The following SLC1A7 variants were observed in gnomAD, a reference collection of about 807,000 sequenced individuals.
SLC1A7 encodes solute carrier family 1 member 7, also known as excitatory amino acid transporter 5.
A neutral mutation model predicts 47.7 loss-of-function variants in SLC1A7; 40 were observed. The observed-to-expected ratio is 0.84, with a 90% confidence interval of 0.65 to 1.09. SLC1A7 has a LOEUF of 1.09. Among genes scored for constraint, SLC1A7 ranks in the 50% least tolerant of loss-of-function variants. The pLI is 0.00. For missense variants in SLC1A7, 746 were observed against 769.5 expected, an observed-to-expected ratio of 0.97 and a Z score of 0.36; for synonymous variants, 323 against 325.6, an observed-to-expected ratio of 0.99 and a Z score of 0.09.
At chr1:53,126,222 T>G (rs1281363219) in intron 2 of SLC1A7, among the ~76,000 whole-genome samples, 2 of 152,210 alleles carry the variant, frequency 1.3e-5, no homozygotes, top group South Asian at 4.1e-4. Flanking sequence ...AGGTGCTCAC[T>G]GTTCAGGAGG....
rs1020344925 is a variant in SLC1A7, at chr1:53,115,360, C to G, written c.216-387G>C. ...AGAAGCTTCCTTCACTCTCCTGACC[C>G]CTGCCCAGCCAGGCAGGACCAAGCT... On this transcript the variant is annotated intron_variant, in intron 2 of 10. Transcript: ENST00000371494. 2.1e-5 allele frequency: 5 copies of G among 237,052 alleles called. 1 individual carries two copies. The Admixed American group carries it at 2.5e-4, about 12-fold the overall frequency. The allele number at this position is 237,052 out of a possible 1,614,324, so 14.7% of individuals were successfully genotyped here.
intron 2 of SLC1A7, among the ~76,000 whole-genome samples, chr1:53,123,968 G>T (rs1387390076): frequency 6.6e-6 from 1 of 152,228 alleles, no homozygotes; most frequent in Non-Finnish European, 1.5e-5. Context: ...TTGGCCCTCT[G>T]GCCACCCGCT....
Position 53,137,287 on chromosome 1 carries a change from C to CAAAAAAA in SLC1A7, c.136-2865_136-2859dup, listed in dbSNP as rs60113708. Reference sequence around the variant, plus strand: ...GGGCAACAGAGGGAGACGCTATCTCCAAAAAAAAAAAAGTGCTCTACTGAT... The same window carrying CAAAAAAA: ...GGGCAACAGAGGGAGACGCTATCTCCAAAAAAAAAAAAAAAAAAAGTGCTCTACTGAT... On this transcript the variant is annotated intron_variant, in intron 1 of 10. Coordinates refer to ENST00000371494, the MANE Select transcript of SLC1A7 (RefSeq NM_006671.6). Among the ~76,000 whole-genome samples the CAAAAAAA allele has an allele frequency of 1.3e-3, 134 of 100,748 alleles. 4 individuals carry two copies. The highest frequency in any genetic ancestry group is 1.2e-3 in the Non-Finnish European group (58 of 49,564). The allele number at this position is 100,748 out of a possible 152,430, so 66.1% of individuals were successfully genotyped here.
intron 1 of SLC1A7, among the ~76,000 whole-genome samples, chr1:53,136,560 T>TATATAATATATAAACATATA (rs71044458): frequency 1.2e-5 from 1 of 80,508 alleles, no homozygotes; most frequent in Non-Finnish European, 2.5e-5. Flanking sequence ...TATATAAACA[T>TATATAATATATAAACATATA]ATATATAAAC....
chr1:53,118,417 G>A (rs1644785589), intron 2 of SLC1A7: 1 of 152,190 alleles, frequency 6.6e-6, no homozygotes. Flanking sequence ...CTTCTTGTGT[G>A]ATGGAGATGA....
At position 53,117,532 on chromosome 1, in the gene SLC1A7, G is replaced by A. The variant is rs561039544; in HGVS notation, c.216-2559C>T. On this transcript the variant is annotated intron_variant, in intron 2 of 10. Transcript: ENST00000371494. ...GGTATAGCAGCCATCCGGAGTGATC[G>A]TGTCCCTGGAAGGGTGTTCCTAAAT... 2.7e-4 allele frequency among the ~76,000 whole-genome samples: 41 copies of A among 152,312 alleles called. 1 individual carries two copies. In the South Asian group the frequency reaches 7.9e-3, roughly 29 times the overall value.
intron 5 of SLC1A7, among the ~76,000 whole-genome samples, chr1:53,094,161 G>T (rs752960507): frequency 2.0e-5 from 3 of 152,142 alleles, no homozygotes; most frequent in African/African-American, 7.2e-5. Context: ...GTTTTTTCCC[G>T]TCTCCTCTGC....
intron 5 of SLC1A7, among the ~76,000 whole-genome samples, chr1:53,101,720 A>T (rs542324193): frequency 2.1e-4 from 31 of 148,862 alleles, no homozygotes; most frequent in African/African-American, 7.5e-4. Context: ...TGGTACACTC[A>T]CACAGTGTCA....
intron 2 of SLC1A7, among the ~76,000 whole-genome samples, chr1:53,117,276 A>T (rs1644772479): frequency 6.6e-6 from 1 of 152,190 alleles, no homozygotes; most frequent in African/African-American, 2.4e-5. Flanking sequence ...CAGATTGGTG[A>T]TAGAAGGGAT....
At chr1:53,108,795 G>C (rs1324359435) in intron 3 of SLC1A7, among the ~76,000 whole-genome samples, 1 of 152,170 alleles carries the variant, frequency 6.6e-6, no homozygotes, top group Non-Finnish European at 1.5e-5. Flanking sequence ...TGTTCTTCAG[G>C]AACAAATGCA....
intron 2 of SLC1A7, among the ~76,000 whole-genome samples, chr1:53,129,586 GGA>G (rs1553164889): frequency 7.2e-3 from 983 of 136,974 alleles, no homozygotes; most frequent in Middle Eastern, 0.021. Flanking sequence ...GCCCACAGCT[GGA>G]AGATGCCAGA....
chr1:53,112,779 G>T (rs1035391769), intron 3 of SLC1A7, among the ~76,000 whole-genome samples: 10 of 152,202 alleles, frequency 6.6e-5, no homozygotes, highest in Non-Finnish European at 1.2e-4. Context: ...CAGCAGAGGA[G>T]TCAACCAGAG....
Position 53,114,955 on chromosome 1 carries a change from G to A in SLC1A7, c.234C>T (p.Ala78=). 1.2e-6 allele frequency: 2 copies of A among 1,613,964 alleles called. No individual in the cohort carries two copies. The highest frequency in any genetic ancestry group is 1.7e-6 in the Non-Finnish European group (2 of 1,180,030). ...LVVSSLMSGL[A]SLDAKTSSRL... is the part of the protein sequence containing the mutation. ...GGCTAGAGGTCTTGGCATCCAGGGA[G>A]GCAAGTCCGGACATCAAGCTGGGAG... is the stretch of plus-strand genomic sequence containing the variant. The change falls in exon 3 of 11, where the codon GCC becomes GCT. Residue 78 remains alanine (A), a synonymous_variant. Coordinates refer to ENST00000371494, the MANE Select transcript of SLC1A7 (RefSeq NM_006671.6).
intron 2 of SLC1A7, among the ~76,000 whole-genome samples, chr1:53,121,854 G>GC (rs200871048): frequency 2.0e-5 from 3 of 152,068 alleles, no homozygotes; most frequent in South Asian, 2.1e-4. Context: ...GGGCTGGTGG[G>GC]CCCCCTGCCT....
intron 3 of SLC1A7, among the ~76,000 whole-genome samples, chr1:53,111,277 G>A (rs993550532): frequency 6.6e-6 from 1 of 152,158 alleles, no homozygotes; most frequent in East Asian, 1.9e-4. Context: ...CACCCAGACA[G>A]GAAGGACAAC....
chr1:53,112,211 T>TA (rs917963639), intron 3 of SLC1A7, among the ~76,000 whole-genome samples: 12 of 152,126 alleles, frequency 7.9e-5, no homozygotes, highest in East Asian at 3.9e-4. Flanking sequence ...CCTTTGTTAT[T>TA]AAAAAAAATG....
At chr1:53,120,338 C>T (rs78030880) in intron 2 of SLC1A7, among the ~76,000 whole-genome samples, 5,673 of 152,190 alleles carry the variant, frequency 0.037, 156 homozygotes, top group Middle Eastern at 0.11. Context: ...CACGCCCCCA[C>T]GAAGTCGAAG....
At position 53,087,963 on chromosome 1, in the gene SLC1A7, G is replaced by A. The variant is rs1240130835; in HGVS notation, c.*46C>T. The A allele has an allele frequency of 2.4e-6, 3 of 1,250,314 alleles. No homozygotes were observed. The highest frequency in any genetic ancestry group is 1.5e-5 in the African/African-American group (1 of 66,790). The allele number at this position is 1,250,314 out of a possible 1,614,324, so 77.5% of individuals were successfully genotyped here. A position where few individuals can be genotyped will look rare whatever the true frequency, so the allele number is the denominator to read the frequency against. ...GTTGGAGAGTCGAGTTCCTGCCTCAGGACCCTGCCCCTGGAGGCCTCGCCT... is the reference window on the plus strand; with the variant it reads ...GTTGGAGAGTCGAGTTCCTGCCTCAAGACCCTGCCCCTGGAGGCCTCGCCT... On this transcript the variant is annotated 3_prime_UTR_variant, in exon 11 of 11. Coordinates refer to ENST00000371494, the MANE Select transcript of SLC1A7 (RefSeq NM_006671.6).
intron 2 of SLC1A7, among the ~76,000 whole-genome samples, chr1:53,124,249 A>AACACACACACACACACACACAC (rs67205575): frequency 1.4e-4 from 1 of 6,964 alleles, no homozygotes; most frequent in African/African-American, 1.5e-4. Flanking sequence ...ATACATACAC[A>AACACACACACACACACACACAC]ACACACACAC....
Sources: gnomAD v4.1 joint callset for allele counts (sites outside exome capture counted in the v4.1 genomes callset) on GRCh38, gnomAD v4.1.1 for gene constraint, MANE v1.5 for transcripts, NCBI Gene and HGNC (gene_info 2026-07-23, HGNC 2026-07-21) for gene names.